The following SPATS2 variants were observed in gnomAD, a reference collection of about 807,000 sequenced individuals.
The protein encoded by SPATS2 is spermatogenesis-associated serine-rich protein 2.
A neutral mutation model predicts 63.7 loss-of-function variants in SPATS2; 38 were observed. The observed-to-expected ratio is 0.60, with a 90% CI of 0.46 to 0.78. The LOEUF is 0.78. Among genes scored for constraint, SPATS2 ranks in the 30% least tolerant of loss-of-function variants. SPATS2 has a pLI of 0.00. For missense variants in SPATS2, 588 were observed against 666.2 expected, an observed-to-expected ratio of 0.88 and a Z score of 1.29; for synonymous variants, 207 against 232.9, an observed-to-expected ratio of 0.89 and a Z score of 1.01.
At chr12:49,486,182 C>G in intron 4 of SPATS2, 2 of 448,086 alleles carry the variant, frequency 4.5e-6, no homozygotes, top group Non-Finnish European at 8.9e-6. Context: ...AAGTTTGGTG[C>G]CTTTTGTTGT....
chr12:49,507,267 T>C (rs114944629), intron 9 of SPATS2, among the ~76,000 whole-genome samples: 98 of 152,266 alleles, frequency 6.4e-4, no homozygotes, highest in African/African-American at 2.0e-3. Context: ...TTAGAAAATA[T>C]TTCTTTGGGG....
chr12:49,414,600 CTTTTTTAT>C (rs981296509), intron 2 of SPATS2, among the ~76,000 whole-genome samples: 4 of 152,014 alleles, frequency 2.6e-5, no homozygotes, highest in African/African-American at 7.2e-5. Flanking sequence ...GCCCAGAAGG[CTTTTTTAT>C]TTTTTTATTT....
intron 3 of SPATS2, among the ~76,000 whole-genome samples, chr12:49,483,835 A>G (rs1325487474): frequency 5.3e-5 from 8 of 152,202 alleles, no homozygotes; most frequent in Non-Finnish European, 2.9e-5. Context: ...ACATTTTAGC[A>G]TAAGATTCCC....
chr12:49,373,221 G>A lies in SPATS2; in HGVS notation c.-244+1931G>A, dbSNP rs567930579. 6.6e-5 allele frequency among the ~76,000 whole-genome samples: 10 copies of A among 152,166 alleles called. No homozygotes were observed. The East Asian group carries it at 1.2e-3, about 18-fold the overall frequency. On this transcript the variant is annotated intron_variant, in intron 2 of 13. Transcript: ENST00000552918. ...ATTCCCAACCTCAGGTGATCCACCC[G>A]CCTCGGCCTCCCAAAGTGCTGGGAT... is the stretch of plus-strand genomic sequence containing the variant.
At chr12:49,456,510 G>T (rs1945721935) in intron 2 of SPATS2, among the ~76,000 whole-genome samples, 1 of 152,228 alleles carries the variant, frequency 6.6e-6, no homozygotes, top group African/African-American at 2.4e-5. Flanking sequence ...TGAATGAAAT[G>T]GGGAGCTGCC....
At chr12:49,497,349 T>C (rs1029522165) in intron 8 of SPATS2, among the ~76,000 whole-genome samples, 1 of 152,144 alleles carries the variant, frequency 6.6e-6, no homozygotes, top group South Asian at 2.1e-4. Context: ...TTTTATCTTC[T>C]GGTTGACCCA....
rs757031524 is a variant in SPATS2 at position 49,524,771 on chromosome 12, G to T, written c.1201G>T (p.Ala401Ser). 1 of 1,614,150 alleles carries T rather than the reference G, an allele frequency of 6.2e-7. No individual in the cohort carries two copies. The highest frequency in any genetic ancestry group is 1.1e-5 in the South Asian group (1 of 91,088). The change falls in exon 13 of 14, where the codon GCT (alanine) becomes TCT (serine). Residue 401 changes from alanine (A) to serine (S), a missense_variant. Ala to Ser is a moderately conservative substitution (Grantham distance 99, BLOSUM62 1). Transcript: ENST00000552918. ...SLSSPSDASA[A>S]SSSTCASPPS... ...GAGTAGCCCAAGTGATGCCTCTGCT[G>T]CTTCCTCTTCCACCTGTGCCTCTCC...
chr12:49,462,643 C>T (rs1160530620), intron 3 of SPATS2: 15 of 584,044 alleles, frequency 2.6e-5, no homozygotes, highest in African/African-American at 5.6e-5. Context: ...ATGGTAAATG[C>T]GGGAGATTTT....
At chr12:49,373,273 C>T (rs1472003766) in intron 2 of SPATS2, among the ~76,000 whole-genome samples, 1 of 152,088 alleles carries the variant, frequency 6.6e-6, no homozygotes, top group Non-Finnish European at 1.5e-5. Context: ...AGTGCCCAGC[C>T]TCACATTGCA....
chr12:49,418,705 C>T (rs1228867845), intron 2 of SPATS2, among the ~76,000 whole-genome samples: 3 of 152,132 alleles, frequency 2.0e-5, no homozygotes, highest in African/African-American at 7.2e-5. Flanking sequence ...CCTCCCAAAG[C>T]GTTGGGATTA....
chr12:49,492,834 G>T (rs1946405172), intron 6 of SPATS2, among the ~76,000 whole-genome samples: 1 of 152,104 alleles, frequency 6.6e-6, no homozygotes, highest in African/African-American at 2.4e-5. Flanking sequence ...GGTGGTTCAT[G>T]CCTGTAATTC....
At chr12:49,387,547 G>A (rs192442292) in intron 2 of SPATS2, among the ~76,000 whole-genome samples, 1 of 149,884 alleles carries the variant, frequency 6.7e-6, no homozygotes. Flanking sequence ...TGAGGCAGGA[G>A]AATCTCTTGA....
chr12:49,444,390 A>T (rs1008954669), intron 2 of SPATS2, among the ~76,000 whole-genome samples: 6 of 150,150 alleles, frequency 4.0e-5, no homozygotes, highest in African/African-American at 1.2e-4. Flanking sequence ...GCTAATTTAA[A>T]TTTTTTTTTG....
intron 2 of SPATS2, among the ~76,000 whole-genome samples, chr12:49,414,600 CTTTT>C (rs1236036836): frequency 1.3e-5 from 2 of 152,014 alleles, no homozygotes; most frequent in African/African-American, 4.8e-5. Context: ...GCCCAGAAGG[CTTTT>C]TTATTTTTTT....
intron 10 of SPATS2, 54 bp downstream of exon 10, chr12:49,514,667 T>G: frequency 6.6e-7 from 1 of 1,521,314 alleles, no homozygotes. Flanking sequence ...AGTAGGTACC[T>G]ACTTCCCAAC....
chr12:49,436,657 C>G (rs1234635837), intron 2 of SPATS2, among the ~76,000 whole-genome samples: 1 of 126,354 alleles, frequency 7.9e-6, no homozygotes, highest in Non-Finnish European at 1.7e-5. Flanking sequence ...GGCAGAGGGG[C>G]TCCTCTCTTC....
intron 2 of SPATS2, among the ~76,000 whole-genome samples, chr12:49,436,991 G>A (rs1945317638): frequency 2.6e-5 from 4 of 151,896 alleles, no homozygotes; most frequent in South Asian, 2.1e-4. Context: ...GGACTGGGGC[G>A]GCTGGCCGGG....
chr12:49,446,932 C>CTTTT (rs568526407), intron 2 of SPATS2, among the ~76,000 whole-genome samples: 3 of 142,866 alleles, frequency 2.1e-5, no homozygotes, highest in Non-Finnish European at 3.1e-5. Flanking sequence ...CTTTTCTTTT[C>CTTTT]TTTTTTTTTT....
intron 2 of SPATS2, among the ~76,000 whole-genome samples, chr12:49,436,438 G>C (rs1327458069): frequency 1.4e-5 from 2 of 143,866 alleles, no homozygotes; most frequent in East Asian, 4.1e-4. Flanking sequence ...GCGGCTGGCC[G>C]GGCAGAGGGG....
Sources: allele counts gnomAD v4.1 joint callset (sites outside exome capture counted in the v4.1 genomes callset), GRCh38; gene constraint gnomAD v4.1.1; transcripts MANE v1.5; gene names NCBI Gene and HGNC (gene_info 2026-07-23, HGNC 2026-07-21).